Variants in NXNL2 observed in about 807,000 individuals in gnomAD.
The protein encoded by NXNL2 is nucleoredoxin-like protein 2.
NXNL2 carries 7 observed loss-of-function variants against 11.1 expected under a neutral mutation model. That is an observed-to-expected ratio of 0.63 (90% CI 0.36 to 1.18). The LOEUF (loss-of-function observed/expected upper bound fraction) is 1.18. NXNL2 is among the 50% of genes most tolerant of loss of function. The pLI is 0.02. For missense variants in NXNL2, 233 were observed against 217.7 expected (o/e 1.07, Z -0.44); for synonymous variants, 109 against 101.8 (o/e 1.07, Z -0.42).
intron 1 of NXNL2, among the ~76,000 whole-genome samples, chr9:88,543,941 G>A (rs12342962): frequency 0.01 from 1,589 of 152,262 alleles, 21 homozygotes; most frequent in African/African-American, 0.036. Context: ...AGGCCAAGGC[G>A]GGCAGATCAC....
At chr9:88,571,013 G>A (rs565643750) in intron 1 of NXNL2, 2 of 378,398 alleles carry the variant, frequency 5.3e-6, no homozygotes, top group South Asian at 4.0e-5. Flanking sequence ...AAAGTGCTGG[G>A]ATTACAGGTG....
intron 1 of NXNL2, among the ~76,000 whole-genome samples, chr9:88,536,592 A>C (rs929417927): frequency 6.6e-6 from 1 of 152,176 alleles, no homozygotes. Context: ...TTTGCTTTAC[A>C]GCCTCACATT....
downstream of NXNL2, among the ~76,000 whole-genome samples, chr9:88,546,293 A>T (rs1182848978): frequency 1.3e-5 from 2 of 151,846 alleles, no homozygotes; most frequent in Admixed American, 6.6e-5. Context: ...CTTTGGGGTG[A>T]CTAGAGGGAG....
downstream of NXNL2, among the ~76,000 whole-genome samples, chr9:88,549,310 CG>C (rs1427978353): frequency 6.6e-6 from 1 of 152,154 alleles, no homozygotes; most frequent in Non-Finnish European, 1.5e-5. Context: ...GAATGATCCC[CG>C]GGCTGCTCCA....
At chr9:88,582,595 C>T (rs186605454) in intron 1 of NXNL2, among the ~76,000 whole-genome samples, 1 of 151,908 alleles carries the variant, frequency 6.6e-6, no homozygotes, top group Non-Finnish European at 1.5e-5. Context: ...AACAATCCTT[C>T]CTTCCTTCCT....
exon 2 of NXNL2, chr9:88,584,232 A>C (rs902695425): frequency 6.6e-6 from 1 of 152,250 alleles, no homozygotes; most frequent in Non-Finnish European, 1.5e-5. Context: ...GATTTGCCTG[A>C]GGTCCTACAA....
intron 1 of NXNL2, among the ~76,000 whole-genome samples, chr9:88,537,187 G>T (rs183942067): frequency 1.2e-3 from 178 of 152,324 alleles, no homozygotes; most frequent in African/African-American, 4.0e-3. Context: ...CGCTGGTTAT[G>T]TCCCAGCTCT....
intron 2 of NXNL2, among the ~76,000 whole-genome samples, chr9:88,572,286 C>G (rs557817968): frequency 2.0e-5 from 3 of 152,294 alleles, no homozygotes; most frequent in South Asian, 4.1e-4. Flanking sequence ...CAAACATGTT[C>G]TGACTCTGTG....
At chr9:88,572,544 G>C (rs1830287030) in intron 2 of NXNL2, among the ~76,000 whole-genome samples, 1 of 152,160 alleles carries the variant, frequency 6.6e-6, no homozygotes, top group Non-Finnish European at 1.5e-5. Flanking sequence ...CTCAGACTGG[G>C]TGAGCCGTGC....
chr9:88,535,208 TC>T lies in NXNL2; in HGVS notation c.-226del. On this transcript the variant is annotated 5_prime_UTR_variant, in exon 1 of 2. Transcript: ENST00000375854. Reference sequence around the variant, plus strand: ...CGGGTGCCGCGCTGTCGCCCAGGTATCTGGGGTCTCTGGTGTCTGAGTGTCT... The same window carrying T: ...CGGGTGCCGCGCTGTCGCCCAGGTATTGGGGTCTCTGGTGTCTGAGTGTCT... 3 of 542,140 alleles carry T rather than the reference TC, an allele frequency of 5.5e-6. No homozygotes were observed. Among genetic ancestry groups the T allele is most frequent in the Non-Finnish European group, 9.6e-6 (3 of 311,736 alleles). The allele number at this position is 542,140 out of a possible 1,614,324, so 33.6% of individuals were successfully genotyped here. A position where few individuals can be genotyped will look rare whatever the true frequency, so the allele number is the denominator to read the frequency against.
chr9:88,581,829 C>G (rs1228684511), intron 1 of NXNL2, among the ~76,000 whole-genome samples: 1 of 152,206 alleles, frequency 6.6e-6, no homozygotes, highest in Non-Finnish European at 1.5e-5. Context: ...GTGGAATGGA[C>G]TTTGCTGCAC....
At chr9:88,572,783 CCCT>C (rs1830291841) in intron 2 of NXNL2, among the ~76,000 whole-genome samples, 2 of 152,178 alleles carry the variant, frequency 1.3e-5, no homozygotes, top group Non-Finnish European at 2.9e-5. Flanking sequence ...TTTGACAGCA[CCCT>C]GGATATTGTT....
At chr9:88,535,873 C>T in intron 1 of NXNL2, 137 bp downstream of exon 1, 2 of 691,164 alleles carry the variant, frequency 2.9e-6, no homozygotes, top group South Asian at 1.9e-5. Flanking sequence ...CACGTCCGGA[C>T]TCCGGTAAAT....
At chr9:88,582,607 C>T (rs1449143816) in intron 1 of NXNL2, among the ~76,000 whole-genome samples, 3 of 151,902 alleles carry the variant, frequency 2.0e-5, no homozygotes, top group African/African-American at 4.8e-5. Flanking sequence ...TTCCTTCCTT[C>T]CTTTCTTCCT....
At chr9:88,547,775 C>T (rs985035345), downstream of NXNL2, among the ~76,000 whole-genome samples, 16 of 151,986 alleles carry the variant, frequency 1.1e-4, no homozygotes, top group Admixed American at 4.6e-4. Flanking sequence ...CCAGCACTTC[C>T]GGAGGCCGAG....
Position 88,562,847 on chromosome 9 carries a change from C to T in NXNL2, c.303-8240C>T, listed in dbSNP as rs140747320. Among the ~76,000 whole-genome samples the T allele has an allele frequency of 5.3e-5, 8 of 151,652 alleles. No individual in the cohort carries two copies. The East Asian group carries it at 1.2e-3, about 22-fold the overall frequency. On this transcript the variant is annotated intron_variant, in intron 1 of 2. Transcript: ENST00000375855. The stretch of plus-strand genomic sequence containing the variant: ...GCTTATTGACAAAATCCCAACACTT[C>T]GGGAGGCCAAGGCAGGTGGATCACA...
At chr9:88,583,819 T>C (rs935634322) in intron 1 of NXNL2, among the ~76,000 whole-genome samples, 37 of 152,192 alleles carry the variant, frequency 2.4e-4, no homozygotes, top group African/African-American at 8.9e-4. Context: ...AGAAAGAGCT[T>C]CTTTTCTCTC....
downstream of NXNL2, among the ~76,000 whole-genome samples, chr9:88,577,315 G>A (rs995017613): frequency 3.3e-5 from 5 of 151,956 alleles, no homozygotes; most frequent in African/African-American, 1.2e-4. Flanking sequence ...GGGGCGGCAT[G>A]AGACCATCAG....
At chr9:88,548,453 G>A (rs1490918149), downstream of NXNL2, among the ~76,000 whole-genome samples, 4 of 148,640 alleles carry the variant, frequency 2.7e-5, no homozygotes. Context: ...CACGAGGTCA[G>A]GAGATGGAGA....
Sources: gnomAD v4.1 joint callset for allele counts (sites outside exome capture counted in the v4.1 genomes callset) on GRCh38, gnomAD v4.1.1 for gene constraint, MANE v1.5 for transcripts, NCBI Gene and HGNC (gene_info 2026-07-23, HGNC 2026-07-21) for gene names.